Variants in ADAMTS2 observed in about 807,000 individuals in gnomAD.
ADAMTS2 encodes A disintegrin and metalloproteinase with thrombospondin motifs 2.
A neutral mutation model predicts 123.0 loss-of-function variants in ADAMTS2; 50 were observed. The observed-to-expected ratio is 0.41, with a 90% CI of 0.32 to 0.51. ADAMTS2 has a LOEUF of 0.51. Among genes scored for constraint, ADAMTS2 ranks in the 20% least tolerant of loss-of-function variants. ADAMTS2 has a pLI of 0.35. For missense variants in ADAMTS2, 1,494 were observed against 1,705.2 expected (o/e 0.88, Z 2.18); for synonymous variants, 678 against 695.4 (o/e 0.98, Z 0.39).
intron 3 of ADAMTS2, among the ~76,000 whole-genome samples, chr5:179,259,188 G>A (rs73333224): frequency 5.3e-5 from 8 of 151,798 alleles, no homozygotes; most frequent in Admixed American, 1.3e-4. Flanking sequence ...AACAAGCCCC[G>A]TCCTCACCCC....
intron 2 of ADAMTS2, among the ~76,000 whole-genome samples, chr5:179,315,645 T>G (rs1435277165): frequency 1.3e-5 from 2 of 152,192 alleles, no homozygotes; most frequent in Non-Finnish European, 2.9e-5. Context: ...GGACCGCCCA[T>G]GGCACGCAGA....
intron 2 of ADAMTS2, among the ~76,000 whole-genome samples, chr5:179,278,825 T>C (rs1766813675): frequency 6.6e-6 from 1 of 151,840 alleles, no homozygotes; most frequent in South Asian, 2.1e-4. Context: ...CCTGGTGAGT[T>C]ACACAACGCC....
At chr5:179,133,785 C>G (rs1763005420) in intron 13 of ADAMTS2, among the ~76,000 whole-genome samples, 1 of 151,188 alleles carries the variant, frequency 6.6e-6, no homozygotes, top group Non-Finnish European at 1.5e-5. Context: ...GTGGCGCGAT[C>G]TTGGCTCACT....
At chr5:179,123,181 A>G (rs1762793109) in intron 19 of ADAMTS2, among the ~76,000 whole-genome samples, 1 of 152,182 alleles carries the variant, frequency 6.6e-6, no homozygotes, top group Non-Finnish European at 1.5e-5. Context: ...TAGGCTCCCC[A>G]CAATCCTGGG....
intron 2 of ADAMTS2, among the ~76,000 whole-genome samples, chr5:179,294,425 GCT>G (rs950824794): frequency 6.6e-6 from 1 of 152,226 alleles, no homozygotes; most frequent in Non-Finnish European, 1.5e-5. Context: ...ATGGCTAGAA[GCT>G]CTGTCCAGGC....
chr5:179,192,670 C>G (rs1427057255), intron 4 of ADAMTS2, among the ~76,000 whole-genome samples: 2 of 152,194 alleles, frequency 1.3e-5, no homozygotes, highest in African/African-American at 4.8e-5. Flanking sequence ...GGAGGTCTTG[C>G]AGGCTGCAGC....
intron 2 of ADAMTS2, among the ~76,000 whole-genome samples, chr5:179,335,138 C>T (rs1204743726): frequency 1.3e-5 from 2 of 151,944 alleles, no homozygotes; most frequent in African/African-American, 4.8e-5. Flanking sequence ...CAAAGGGGGA[C>T]GTATCCAGCC....
rs374005963 is a variant in ADAMTS2 at position 179,135,895 on chromosome 5, C to T, written c.2085+14G>A. On this transcript the variant is annotated intron_variant, in intron 13 of 21. Coordinates refer to ENST00000251582, the MANE Select transcript of ADAMTS2 (RefSeq NM_014244.5). Reference sequence around the variant, plus strand: ...TGACACGGTAGCCCCCCGTGCCGGCCTCTGTGTACTCACCCTGCAGTCCCC... The same window carrying T: ...TGACACGGTAGCCCCCCGTGCCGGCTTCTGTGTACTCACCCTGCAGTCCCC... The T allele has an allele frequency of 1.2e-6, 2 of 1,612,988 alleles. No individual in the cohort carries two copies. The highest frequency in any genetic ancestry group is 1.7e-4 in the Middle Eastern group (1 of 6,024).
intron 10 of ADAMTS2, among the ~76,000 whole-genome samples, 166 bp downstream of exon 10, chr5:179,151,976 G>A (rs375140266): frequency 2.7e-4 from 41 of 152,262 alleles, no homozygotes; most frequent in African/African-American, 9.4e-4. Context: ...AGGCAGCTCC[G>A]GCGTACAGCG....
At chr5:179,124,056 G>A (rs989006536) in intron 19 of ADAMTS2, among the ~76,000 whole-genome samples, 3 of 152,330 alleles carry the variant, frequency 2.0e-5, no homozygotes, top group Non-Finnish European at 2.9e-5. Context: ...AGGGGACACC[G>A]GGAGCCTGCG....
chr5:179,174,084 A>G (rs60074362), intron 5 of ADAMTS2, among the ~76,000 whole-genome samples: 23,982 of 151,948 alleles, frequency 0.16, 2,141 homozygotes, highest in African/African-American at 0.24. Context: ...ACATTTCCTT[A>G]GAATATCTGT....
intron 2 of ADAMTS2, among the ~76,000 whole-genome samples, chr5:179,299,191 T>C (rs143434345): frequency 6.6e-6 from 1 of 151,956 alleles, no homozygotes; most frequent in East Asian, 1.9e-4. Flanking sequence ...GAAAAACGGT[T>C]AGTTTGTATA....
intron 4 of ADAMTS2, among the ~76,000 whole-genome samples, chr5:179,206,626 AC>A (rs1275640812): frequency 6.7e-6 from 1 of 148,954 alleles, no homozygotes; most frequent in East Asian, 2.0e-4. Flanking sequence ...CCTCCTTCTC[AC>A]CCCCTTCTTT....
chr5:179,140,063 C>T, intron 10 of ADAMTS2, 28 bp from the exon 11 acceptor site: 1 of 1,613,476 alleles, frequency 6.2e-7, no homozygotes, highest in Non-Finnish European at 8.5e-7. Flanking sequence ...AGTCCCTCCA[C>T]TCACCCTCAC....
intron 2 of ADAMTS2, among the ~76,000 whole-genome samples, chr5:179,310,253 G>T (rs957942798): frequency 6.6e-6 from 1 of 152,248 alleles, no homozygotes; most frequent in African/African-American, 2.4e-5. Context: ...AGCTCCCAGC[G>T]GGCAGGGATC....
chr5:179,257,185 C>T (rs987292193), intron 3 of ADAMTS2, among the ~76,000 whole-genome samples: 4 of 152,204 alleles, frequency 2.6e-5, no homozygotes, highest in African/African-American at 4.8e-5. Flanking sequence ...TTCAAGGCCT[C>T]GGGACAAATC....
chr5:179,207,430 T>A, intron 4 of ADAMTS2, 83 bp downstream of exon 4: 2 of 1,448,424 alleles, frequency 1.4e-6, no homozygotes, highest in Non-Finnish European at 1.9e-6. Flanking sequence ...TCAGGGGACC[T>A]GGCCCAGCTG....
At chr5:179,213,327 T>A (rs1032225238) in intron 3 of ADAMTS2, among the ~76,000 whole-genome samples, 1 of 152,246 alleles carries the variant, frequency 6.6e-6, no homozygotes, top group African/African-American at 2.4e-5. Context: ...GACACTCCAC[T>A]GCAGGCAGGT....
rs1763393156 is a variant in ADAMTS2 at position 179,153,093 on chromosome 5, C to A, written c.1515+398G>T. Among the ~76,000 whole-genome samples the A allele has an allele frequency of 2.0e-5, 3 of 152,188 alleles. No homozygotes were observed. In the South Asian group the frequency reaches 6.2e-4, roughly 31 times the overall value. ...CTGGAGAGCAGCGAGTGCTCCTGTG[C>A]CTGCCGCGCTCTCCTCCAGGCCTCT... is the stretch of plus-strand genomic sequence containing the variant. On this transcript the variant is annotated intron_variant, in intron 9 of 21. Transcript: ENST00000251582.
Sources: allele counts gnomAD v4.1 joint callset (sites outside exome capture counted in the v4.1 genomes callset), GRCh38; gene constraint gnomAD v4.1.1; transcripts MANE v1.5; gene names NCBI Gene and HGNC (gene_info 2026-07-23, HGNC 2026-07-21).